The following CNTLN variants were observed in gnomAD, a reference collection of about 807,000 sequenced individuals.
The protein encoded by CNTLN is centlein, centrosomal protein.
Under a neutral mutation model 180.0 loss-of-function variants are expected in CNTLN, and 212 were observed. The observed-to-expected ratio is 1.18, with a 90% CI of 1.05 to 1.32. The LOEUF (loss-of-function observed/expected upper bound fraction) is 1.32, where lower values mean the gene tolerates loss of function less well. CNTLN is among the 40% of genes most tolerant of loss of function. The pLI is 0.00. For synonymous variants in CNTLN, 722 were observed against 563.1 expected, an observed-to-expected ratio of 1.28 and a Z score of -3.99; for missense variants, 2,095 against 1,610.9, an observed-to-expected ratio of 1.30 and a Z score of -5.14.
At chr9:17,268,629 G>A (rs530300624) in intron 5 of CNTLN, among the ~76,000 whole-genome samples, 2 of 152,154 alleles carry the variant, frequency 1.3e-5, no homozygotes, top group African/African-American at 4.8e-5. Flanking sequence ...TCTGTGCCCT[G>A]CCCCCAGAGG....
intron 25 of CNTLN, among the ~76,000 whole-genome samples, chr9:17,500,035 T>C (rs1833659203): frequency 6.6e-6 from 1 of 152,206 alleles, no homozygotes; most frequent in African/African-American, 2.4e-5. Context: ...ATGATTCTTC[T>C]GAACGATTAT....
At chr9:17,442,574 A>G (rs181859390) in intron 18 of CNTLN, among the ~76,000 whole-genome samples, 42 of 152,042 alleles carry the variant, frequency 2.8e-4, no homozygotes, top group African/African-American at 8.0e-4. Flanking sequence ...AATTTTTTGT[A>G]TTTTTGGAGA....
chr9:17,377,967 T>C (rs1214589018), intron 13 of CNTLN, among the ~76,000 whole-genome samples: 1 of 152,260 alleles, frequency 6.6e-6, no homozygotes, highest in African/African-American at 2.4e-5. Flanking sequence ...AATATTACTT[T>C]GTTCCAAGGA....
In CNTLN at chr9:17,394,700, G is replaced by A; in HGVS notation, c.2246G>A (p.Gly749Glu). 1 of 1,613,838 alleles carries A rather than the reference G, an allele frequency of 6.2e-7. No individual in the cohort carries two copies. Among genetic ancestry groups the A allele is most frequent in the African/African-American group, 1.3e-5 (1 of 74,996 alleles). ...AAAGAGCTAGAACAGATAATAAAGG[G>A]GAGTAAAGATGTAGAAAAAGAAAAT... Reference protein sequence around the residue: ...REKELEQIIKGSKDVEKENTE... With the variant: ...REKELEQIIKESKDVEKENTE... The change falls in exon 15 of 26, where the codon GGG (glycine) becomes GAG (glutamate). Residue 749 changes from glycine to glutamate, a missense_variant. Physicochemically the swap from Gly to Glu is moderately conservative, Grantham distance 98. Transcript: ENST00000380647.
the CNTLN span, among the ~76,000 whole-genome samples, chr9:17,516,771 C>G: frequency 1.3e-5 from 2 of 152,088 alleles, no homozygotes; most frequent in Non-Finnish European, 2.9e-5. Context: ...GCTGTTTTCT[C>G]AGTTTCCAAG....
intron 6 of CNTLN, among the ~76,000 whole-genome samples, chr9:17,292,197 G>A (rs902888502): frequency 3.9e-5 from 6 of 152,044 alleles, no homozygotes; most frequent in African/African-American, 1.4e-4. Flanking sequence ...TCCCTTTGTA[G>A]GTGATCTCCC....
intron 2 of CNTLN, among the ~76,000 whole-genome samples, chr9:17,190,370 C>CT (rs1321210090): frequency 2.0e-5 from 3 of 151,788 alleles, no homozygotes; most frequent in Admixed American, 2.0e-4. Flanking sequence ...TGGCTCACAA[C>CT]TTTCAGATAA....
chr9:17,372,236 A>G (rs958361353), intron 13 of CNTLN, among the ~76,000 whole-genome samples: 2 of 152,158 alleles, frequency 1.3e-5, no homozygotes, highest in Non-Finnish European at 2.9e-5. Context: ...GAAAAAGAGA[A>G]CACAAATAAA....
rs1484405196 is a variant in CNTLN, at chr9:17,409,411, A to G, written c.2734A>G (p.Ser912Gly). The change falls in exon 16 of 26, where the codon AGC becomes GGC. Residue 912 changes from serine (S) to glycine (G), a missense_variant. Ser to Gly is a moderately conservative substitution (Grantham distance 56). Coordinates refer to ENST00000380647, the MANE Select transcript of CNTLN (RefSeq NM_017738.4). The part of the protein sequence containing the change: ...DQKESDPTED[S>G]QTQGKEIVQT... ...GAAAGAAAGTGATCCAACAGAAGAC[A>G]GCCAAACACAAGGAAAAGAAATAGT... 1.2e-6 allele frequency: 2 copies of G among 1,613,254 alleles called. No individual in the cohort carries two copies. The highest frequency in any genetic ancestry group is 1.7e-6 in the Non-Finnish European group (2 of 1,179,656).
intron 12 of CNTLN, among the ~76,000 whole-genome samples, chr9:17,352,685 C>G (rs528150980): frequency 4.4e-4 from 67 of 152,170 alleles, no homozygotes; most frequent in African/African-American, 1.6e-3. Context: ...GACCCCATGC[C>G]CATTAACCAG....
chr9:17,149,365 T>C (rs888100604), intron 2 of CNTLN, among the ~76,000 whole-genome samples: 2 of 152,110 alleles, frequency 1.3e-5, no homozygotes, highest in African/African-American at 4.8e-5. Flanking sequence ...ATGGTATTTC[T>C]AGTTCTAGAT....
intron 18 of CNTLN, among the ~76,000 whole-genome samples, chr9:17,439,737 A>T (rs1829996591): frequency 6.6e-6 from 1 of 152,222 alleles, no homozygotes; most frequent in Non-Finnish European, 1.5e-5. Flanking sequence ...GGAGCCTTTG[A>T]GAATTAGTTA....
At chr9:17,517,937 T>C in the CNTLN span, among the ~76,000 whole-genome samples, 1 of 151,956 alleles carries the variant, frequency 6.6e-6, no homozygotes, top group African/African-American at 2.4e-5. Flanking sequence ...CTCAACTTTA[T>C]TTCCTTTAAC....
chr9:17,211,127 G>T (rs1823273206), intron 2 of CNTLN, among the ~76,000 whole-genome samples: 1 of 152,104 alleles, frequency 6.6e-6, no homozygotes, highest in African/African-American at 2.4e-5. Context: ...TGAAGTCCTT[G>T]CCCATGCCTA....
chr9:17,135,555 G>T (rs1194849631), intron 1 of CNTLN, 130 bp downstream of exon 1: 1 of 1,233,776 alleles, frequency 8.1e-7, no homozygotes, highest in East Asian at 2.8e-5. Flanking sequence ...TGCACACCCT[G>T]CTTCGCTCGC....
At chr9:17,514,219 A>T in the CNTLN span, among the ~76,000 whole-genome samples, 1 of 151,674 alleles carries the variant, frequency 6.6e-6, no homozygotes, top group African/African-American at 2.4e-5. Flanking sequence ...CTAAGATGGG[A>T]GGATCGCTTG....
intron 13 of CNTLN, among the ~76,000 whole-genome samples, chr9:17,385,649 A>G (rs1825631270): frequency 6.6e-6 from 1 of 152,180 alleles, no homozygotes; most frequent in South Asian, 2.1e-4. Context: ...AACCAACTGC[A>G]GATCAAAAAT....
chr9:17,236,797 G>A (rs1161748057), intron 5 of CNTLN, among the ~76,000 whole-genome samples: 1 of 152,078 alleles, frequency 6.6e-6, no homozygotes, highest in African/African-American at 2.4e-5. Context: ...ATCCTAAAAT[G>A]TAATCATTAA....
chr9:17,283,351 C>T (rs1326136917), intron 6 of CNTLN, among the ~76,000 whole-genome samples: 1 of 152,010 alleles, frequency 6.6e-6, no homozygotes, highest in Non-Finnish European at 1.5e-5. Context: ...TTATTCTTTT[C>T]TTAGCATTTG....
Sources: allele counts gnomAD v4.1 joint callset (sites outside exome capture counted in the v4.1 genomes callset), GRCh38; gene constraint gnomAD v4.1.1; transcripts MANE v1.5; gene names NCBI Gene and HGNC (gene_info 2026-07-23, HGNC 2026-07-21).